Variants in CSMD1 observed in about 807,000 individuals in gnomAD.
The protein encoded by CSMD1 is CUB and sushi domain-containing protein 1.
In CSMD1, 213 loss-of-function variants were observed where a neutral mutation model predicts 417.5. The observed-to-expected ratio is 0.51, with a 90% CI of 0.46 to 0.57. The LOEUF (loss-of-function observed/expected upper bound fraction) is 0.57. Among genes scored for constraint, CSMD1 ranks in the 20% least tolerant of loss-of-function variants. The probability of loss-of-function intolerance (pLI) is 0.00; values close to 1 mark genes in which losing one functional copy is unlikely to be tolerated. For missense variants in CSMD1, 6,923 were observed against 4,529.7 expected (o/e 1.53, Z -15.17); for synonymous variants, 2,862 against 1,736.8 (o/e 1.65, Z -16.11).
At chr8:4,086,071 A>AT (rs568439651) in intron 3 of CSMD1, among the ~76,000 whole-genome samples, 1 of 152,106 alleles carries the variant, frequency 6.6e-6, no homozygotes, top group South Asian at 2.1e-4. Context: ...CAACAAACGT[A>AT]TTTTTTCCAT....
At chr8:3,874,802 A>C (rs781725340) in intron 5 of CSMD1, among the ~76,000 whole-genome samples, 6 of 152,138 alleles carry the variant, frequency 3.9e-5, no homozygotes, top group Non-Finnish European at 8.8e-5. Flanking sequence ...CAGACATTAA[A>C]TAGGACACAC....
chr8:3,504,226 T>C (rs1796729114), intron 10 of CSMD1, among the ~76,000 whole-genome samples: 1 of 147,208 alleles, frequency 6.8e-6, no homozygotes, highest in African/African-American at 2.6e-5. Flanking sequence ...GTACAATTAT[T>C]ATGTATTAAT....
intron 1 of CSMD1, among the ~76,000 whole-genome samples, chr8:4,876,293 T>C (rs1447845855): frequency 2.0e-5 from 3 of 152,084 alleles, no homozygotes; most frequent in African/African-American, 7.3e-5. Context: ...TCATTGCTTC[T>C]TTAAAGGAGA....
chr8:4,519,549 G>A (rs13279717), intron 2 of CSMD1, among the ~76,000 whole-genome samples: 4,017 of 151,428 alleles, frequency 0.027, 80 homozygotes, highest in Non-Finnish European at 0.039. Context: ...AGACTAGCCT[G>A]GACAACATGG....
At chr8:4,061,854 G>C (rs1798988621) in intron 3 of CSMD1, among the ~76,000 whole-genome samples, 1 of 152,082 alleles carries the variant, frequency 6.6e-6, no homozygotes, top group African/African-American at 2.4e-5. Context: ...TATAGATGTA[G>C]GTCAGTCTTT....
chr8:4,771,685 C>T (rs1202939325), intron 1 of CSMD1, among the ~76,000 whole-genome samples: 1 of 152,204 alleles, frequency 6.6e-6, no homozygotes. Context: ...GTAAAAACTT[C>T]ACCCGTGTCC....
intron 1 of CSMD1, among the ~76,000 whole-genome samples, chr8:4,955,524 C>T (rs1444377640): frequency 6.6e-6 from 1 of 151,656 alleles, no homozygotes; most frequent in African/African-American, 2.4e-5. Flanking sequence ...GGCATGATCT[C>T]GGCACACTGC....
chr8:4,835,136 G>T (rs928374186), intron 1 of CSMD1, among the ~76,000 whole-genome samples: 1 of 151,884 alleles, frequency 6.6e-6, no homozygotes, highest in Admixed American at 6.6e-5. Context: ...GGCAACTCTA[G>T]ACCCAGTGAG....
At chr8:3,536,059 G>A (rs1414257732) in intron 10 of CSMD1, among the ~76,000 whole-genome samples, 1 of 152,120 alleles carries the variant, frequency 6.6e-6, no homozygotes, top group Non-Finnish European at 1.5e-5. Flanking sequence ...CACAGGTCCT[G>A]GCCATACACA....
At chr8:4,788,280 G>C in intron 1 of CSMD1, 2 of 1,589,876 alleles carry the variant, frequency 1.3e-6, no homozygotes, top group Non-Finnish European at 1.7e-6. Context: ...CATTCCTACT[G>C]TATTTGTGGC....
At chr8:3,800,083 A>G (rs1800375020) in intron 5 of CSMD1, among the ~76,000 whole-genome samples, 1 of 152,174 alleles carries the variant, frequency 6.6e-6, no homozygotes, top group African/African-American at 2.4e-5. Context: ...AGTTGATGCT[A>G]CAGGCTTTGT....
chr8:4,817,008 G>T (rs1029000476), intron 1 of CSMD1, among the ~76,000 whole-genome samples: 1 of 152,142 alleles, frequency 6.6e-6, no homozygotes, highest in African/African-American at 2.4e-5. Flanking sequence ...AGAGCAGAGG[G>T]CTCAGAGGCT....
intron 1 of CSMD1, among the ~76,000 whole-genome samples, chr8:4,702,807 C>T (rs562534353): frequency 1.3e-4 from 20 of 151,922 alleles, no homozygotes; most frequent in Non-Finnish European, 2.4e-4. Context: ...ATAATAATAG[C>T]GGGATTCATC....
At chr8:4,485,826 G>A (rs918615022) in intron 2 of CSMD1, among the ~76,000 whole-genome samples, 2 of 151,786 alleles carry the variant, frequency 1.3e-5, no homozygotes, top group East Asian at 3.9e-4. Context: ...TCCAAAATGT[G>A]GCAACATATA....
chr8:3,775,812 G>C (rs894568468), intron 5 of CSMD1, among the ~76,000 whole-genome samples: 2 of 152,180 alleles, frequency 1.3e-5, no homozygotes, highest in Non-Finnish European at 2.9e-5. Context: ...TGTCATCATG[G>C]GGTCCATTGC....
chr8:3,081,419 G>C (rs1211644898), intron 49 of CSMD1, among the ~76,000 whole-genome samples: 1 of 152,066 alleles, frequency 6.6e-6, no homozygotes, highest in Non-Finnish European at 1.5e-5. Flanking sequence ...TAGATTTTAA[G>C]TTCCCAATGC....
Position 4,464,638 on chromosome 8 carries a change from T to C in CSMD1, c.303-44573A>G, listed in dbSNP as rs73660872. Among the ~76,000 whole-genome samples the C allele has an allele frequency of 3.6e-3, 554 of 152,268 alleles. 4 individuals carry two copies. The highest frequency in any genetic ancestry group is 0.013 in the African/African-American group (530 of 41,556). On this transcript the variant is annotated intron_variant, in intron 2 of 69. Coordinates refer to ENST00000635120, the MANE Select transcript of CSMD1 (RefSeq NM_033225.6). ...ATTGTAAAAGGGTAAGAGTCCCAAG[T>C]TGAACCATGGTAAGTCAGGGGCCGC...
chr8:3,315,706 T>A (rs1424556877), intron 23 of CSMD1, among the ~76,000 whole-genome samples: 12 of 152,176 alleles, frequency 7.9e-5, no homozygotes, highest in Admixed American at 6.6e-5. Context: ...TGTAAACTTC[T>A]GAACTTAAGG....
rs11995438 is a variant in CSMD1 at position 3,000,143 on chromosome 8, A to C, written c.8030-12T>G. The stretch of plus-strand genomic sequence containing the variant: ...ACCGCAGTGGCCAGCTAAAAATGTT[A>C]AACCAATTTTAAAATTTAGAGTGTC... On this transcript the variant is annotated splice_polypyrimidine_tract_variant and intron_variant, in intron 52 of 69. Coordinates refer to ENST00000635120, the MANE Select transcript of CSMD1 (RefSeq NM_033225.6). 173,924 of 1,515,814 alleles carry C rather than the reference A, an allele frequency of 0.11. 10,756 individuals carry two copies. Among genetic ancestry groups the C allele is most frequent in the African/African-American group, 0.22 (15,732 of 70,234 alleles). The allele number at this position is 1,515,814 out of a possible 1,614,324, so 93.9% of individuals were successfully genotyped here.
Sources: allele counts gnomAD v4.1 joint callset (sites outside exome capture counted in the v4.1 genomes callset), GRCh38; gene constraint gnomAD v4.1.1; transcripts MANE v1.5; gene names NCBI Gene and HGNC (gene_info 2026-07-23, HGNC 2026-07-21).